Variants in SPAG16 observed in about 807,000 individuals in gnomAD.
SPAG16 encodes sperm associated antigen 16.
Under a neutral mutation model 80.4 loss-of-function variants are expected in SPAG16, and 86 were observed. The ratio of observed to expected loss-of-function variants is 1.07; its 90% CI spans 0.90 to 1.28. SPAG16 has a LOEUF of 1.28. Among genes scored for constraint, SPAG16 ranks in the 50% most tolerant of loss-of-function variants. SPAG16 has a pLI of 0.00. For missense variants in SPAG16, 870 were observed against 765.3 expected (o/e 1.14, Z -1.61); for synonymous variants, 294 against 265.9 (o/e 1.11, Z -1.03).
At chr2:213,990,536 C>T (rs2106448941) in intron 12 of SPAG16, among the ~76,000 whole-genome samples, 1 of 152,106 alleles carries the variant, frequency 6.6e-6, no homozygotes, top group Admixed American at 6.6e-5. Context: ...ATTATATACT[C>T]TGTTCTTATA....
At chr2:214,179,518 A>G (rs2057241988) in intron 15 of SPAG16, among the ~76,000 whole-genome samples, 1 of 151,386 alleles carries the variant, frequency 6.6e-6, no homozygotes, top group Non-Finnish European at 1.5e-5. Context: ...TGACGTCAAA[A>G]ACACTTTTCT....
chr2:214,004,694 G>A lies in SPAG16; in HGVS notation c.1401-9257G>A, dbSNP rs190835204. ...TGGCAGCCATGAGCTTCCCCAGGCA[G>A]GATCTTAAATGGGGCTGGGTCATCC... On this transcript the variant is annotated intron_variant, in intron 12 of 15. Coordinates refer to ENST00000331683, the MANE Select transcript of SPAG16 (RefSeq NM_024532.5). 6.3e-3 allele frequency among the ~76,000 whole-genome samples: 950 copies of A among 151,796 alleles called. 15 individuals carry two copies. Among genetic ancestry groups the A allele is most frequent in the African/African-American group, 0.022 (894 of 41,218 alleles).
intron 9 of SPAG16, among the ~76,000 whole-genome samples, chr2:213,453,159 T>C (rs950814602): frequency 2.0e-5 from 3 of 152,236 alleles, no homozygotes. Context: ...TGTATTGTAA[T>C]AATACACTTA....
chr2:213,375,502 G>A (rs1331446586), intron 9 of SPAG16, among the ~76,000 whole-genome samples: 1 of 152,050 alleles, frequency 6.6e-6, no homozygotes, highest in African/African-American at 2.4e-5. Context: ...TTTAAAGGTA[G>A]AATGAAATAG....
intron 3 of SPAG16, among the ~76,000 whole-genome samples, chr2:213,305,700 G>C (rs1272152428): frequency 1.3e-5 from 2 of 152,060 alleles, no homozygotes; most frequent in African/African-American, 4.8e-5. Flanking sequence ...GCATTCCAAG[G>C]ATGAATCCCA....
At chr2:213,764,237 TAGG>T (rs1228258602) in intron 10 of SPAG16, among the ~76,000 whole-genome samples, 1 of 152,194 alleles carries the variant, frequency 6.6e-6, no homozygotes, top group Non-Finnish European at 1.5e-5. Context: ...CTTTGCCTTT[TAGG>T]AGTAATTTTC....
intron 10 of SPAG16, among the ~76,000 whole-genome samples, chr2:213,852,796 ATAAG>A (rs2074971872): frequency 6.6e-6 from 1 of 152,194 alleles, no homozygotes; most frequent in Admixed American, 6.5e-5. Context: ...TCCCCTACAC[ATAAG>A]TAAGTTTCCT....
chr2:214,102,115 TG>T (rs67705468), intron 13 of SPAG16, among the ~76,000 whole-genome samples: 11,913 of 74,340 alleles, frequency 0.16, 758 homozygotes, highest in East Asian at 0.26. Flanking sequence ...GGTGGTTTTT[TG>T]TTTTTTTTTT....
chr2:213,786,025 T>G (rs2070322287), intron 10 of SPAG16, among the ~76,000 whole-genome samples: 1 of 152,050 alleles, frequency 6.6e-6, no homozygotes, highest in South Asian at 2.1e-4. Context: ...AAAAAGAATT[T>G]TATATATAGA....
At position 213,891,600 on chromosome 2, in the gene SPAG16, G is replaced by T. The variant is rs78227016; in HGVS notation, c.1214+28972G>T. On this transcript the variant is annotated intron_variant, in intron 11 of 15. Coordinates refer to ENST00000331683, the MANE Select transcript of SPAG16 (RefSeq NM_024532.5). ...GCAATACAATCATAGGAGGCTTCCA[G>T]TTCCAAAATTGTGATGTAGATGGAA... Among the ~76,000 whole-genome samples, 62 of 152,234 alleles carry T rather than the reference G, an allele frequency of 4.1e-4. 1 individual carries two copies. Among genetic ancestry groups the T allele is most frequent in the African/African-American group, 1.4e-3 (60 of 41,544 alleles).
At chr2:214,188,763 A>G (rs1004164718) in intron 15 of SPAG16, among the ~76,000 whole-genome samples, 2 of 152,114 alleles carry the variant, frequency 1.3e-5, no homozygotes, top group Non-Finnish European at 2.9e-5. Context: ...TCAAATTTGA[A>G]AATCTCTGTT....
chr2:213,375,523 C>T (rs368443962), intron 9 of SPAG16, among the ~76,000 whole-genome samples: 25 of 152,090 alleles, frequency 1.6e-4, no homozygotes, highest in African/African-American at 3.4e-4. Flanking sequence ...CATTATGCTC[C>T]GTTTAACAAT....
rs1575299846 is a variant in SPAG16, at chr2:213,836,193, C to G, written c.1071-26292C>G. 2.2e-5 allele frequency among the ~76,000 whole-genome samples: 3 copies of G among 133,642 alleles called. 1 individual carries two copies. The South Asian group carries it at 8.6e-4, about 38-fold the overall frequency. The allele number at this position is 133,642 out of a possible 152,430, so 87.7% of individuals were successfully genotyped here. On this transcript the variant is annotated intron_variant, in intron 10 of 15. Coordinates refer to ENST00000331683, the MANE Select transcript of SPAG16 (RefSeq NM_024532.5). ...CATTATTCGCCCCCCCCCCCATTTC[C>G]TATGTCTGAGAGAATAAAAACAGTT...
intron 9 of SPAG16, among the ~76,000 whole-genome samples, chr2:213,465,204 T>C (rs1032162000): frequency 6.6e-6 from 1 of 152,202 alleles, no homozygotes; most frequent in African/African-American, 2.4e-5. Flanking sequence ...GATCATGGCA[T>C]GGGCATCGAG....
intron 13 of SPAG16, among the ~76,000 whole-genome samples, chr2:214,068,909 A>G (rs1171905094): frequency 6.6e-6 from 1 of 152,114 alleles, no homozygotes; most frequent in Admixed American, 6.6e-5. Flanking sequence ...TTTACAGAAG[A>G]ATAATACTTT....
intron 10 of SPAG16, among the ~76,000 whole-genome samples, chr2:213,689,209 C>T (rs1224356632): frequency 6.6e-6 from 1 of 152,204 alleles, no homozygotes; most frequent in African/African-American, 2.4e-5. Flanking sequence ...CCACCCACCT[C>T]AGCCTTGCAA....
intron 8 of SPAG16, among the ~76,000 whole-genome samples, chr2:213,371,207 G>T (rs890528829): frequency 2.0e-5 from 3 of 151,908 alleles, no homozygotes; most frequent in Admixed American, 1.3e-4. Flanking sequence ...AGGAAATCAA[G>T]ACCATCCTGG....
rs556853136 is a variant in SPAG16, at chr2:214,195,377, GTTA to G, written c.1720+46117_1720+46119del. 1.8e-4 allele frequency among the ~76,000 whole-genome samples: 27 copies of G among 147,978 alleles called. No homozygotes were observed. In the South Asian group the frequency reaches 3.0e-3, roughly 16 times the overall value. On this transcript the variant is annotated intron_variant, in intron 15 of 15. Coordinates refer to ENST00000331683, the MANE Select transcript of SPAG16 (RefSeq NM_024532.5). ...ACTTGACATATTTCAAGCACAGAATGTTATTATTCAATTCACATTTTACAAAGA... is the reference window on the plus strand; with the variant it reads ...ACTTGACATATTTCAAGCACAGAATGTTATTCAATTCACATTTTACAAAGA...
intron 15 of SPAG16, among the ~76,000 whole-genome samples, chr2:214,377,490 G>A (rs989086957): frequency 1.3e-5 from 2 of 152,170 alleles, no homozygotes; most frequent in Admixed American, 6.5e-5. Flanking sequence ...ACAGTACAGT[G>A]AAGGTATTTT....
Sources: gnomAD v4.1 joint callset for allele counts (sites outside exome capture counted in the v4.1 genomes callset) on GRCh38, gnomAD v4.1.1 for gene constraint, MANE v1.5 for transcripts, NCBI Gene and HGNC (gene_info 2026-07-23, HGNC 2026-07-21) for gene names.